JAKMIP3: variants seen among roughly 807,000 people sequenced by gnomAD.
The protein encoded by JAKMIP3 is Janus kinase and microtubule interacting protein 3, also known as janus kinase and microtubule-interacting protein 3.
JAKMIP3 carries 58 observed loss-of-function variants against 118.5 expected under a neutral mutation model. That is an observed-to-expected ratio of 0.49 (90% CI 0.40 to 0.61). The LOEUF (loss-of-function observed/expected upper bound fraction) is 0.61, where lower values mean the gene tolerates loss of function less well. JAKMIP3 is among the 20% of genes least tolerant of loss of function. The pLI is 0.00. For synonymous variants in JAKMIP3, 486 were observed against 451.2 expected (o/e 1.08, Z -0.98); for missense variants, 950 against 1,109.0 (o/e 0.86, Z 2.04).
At chr10:132,136,912 TGA>T (rs2051904282) in intron 6 of JAKMIP3, 105 bp from the exon 7 acceptor site, 2 of 1,286,108 alleles carry the variant, frequency 1.6e-6, no homozygotes, top group East Asian at 2.4e-5. Flanking sequence ...GCCGGGCAGC[TGA>T]GAGTGGCAGC....
intron 1 of JAKMIP3, among the ~76,000 whole-genome samples, chr10:132,099,454 T>C (rs1163779499): frequency 6.6e-6 from 1 of 152,158 alleles, no homozygotes; most frequent in Non-Finnish European, 1.5e-5. Context: ...GCACTGTTAA[T>C]TTAACGACTT....
intron 1 of JAKMIP3, among the ~76,000 whole-genome samples, chr10:132,050,132 G>C (rs539057301): frequency 8.3e-4 from 127 of 152,242 alleles, no homozygotes; most frequent in Non-Finnish European, 1.5e-3. Context: ...CTCCCCGGAA[G>C]TTCTGTGTTT....
At chr10:132,120,816 TA>T (rs1353486296) in intron 3 of JAKMIP3, among the ~76,000 whole-genome samples, 1 of 152,214 alleles carries the variant, frequency 6.6e-6, no homozygotes, top group Non-Finnish European at 1.5e-5. Context: ...CCCCGGCCTC[TA>T]AAATCCCGTG....
chr10:132,139,375 TGA>T (rs1444674758), intron 9 of JAKMIP3, among the ~76,000 whole-genome samples: 237 of 16,966 alleles, frequency 0.014, 5 homozygotes, highest in East Asian at 0.021. Context: ...TGTACGTGTG[TGA>T]GTATGTGAGT....
intron 1 of JAKMIP3, among the ~76,000 whole-genome samples, chr10:132,103,741 T>C (rs2045472429): frequency 6.6e-6 from 1 of 151,958 alleles, no homozygotes; most frequent in Admixed American, 6.5e-5. Flanking sequence ...TGTTAGAAGC[T>C]GGGCCATACA....
At chr10:132,134,783 TTA>T (rs112139472) in intron 4 of JAKMIP3, among the ~76,000 whole-genome samples, 60 of 152,332 alleles carry the variant, frequency 3.9e-4, no homozygotes, top group African/African-American at 1.3e-3. Flanking sequence ...TTATTTTACT[TTA>T]TGTTATTTTA....
In JAKMIP3 at chr10:132,167,030, A is replaced by C. The variant is rs369101480; in HGVS notation, c.2538A>C (p.Ser846=). The C allele has an allele frequency of 5.8e-6, 9 of 1,550,124 alleles. No homozygotes were observed. Among genetic ancestry groups the C allele is most frequent in the South Asian group, 1.2e-5 (1 of 84,020 alleles). ...LFFSLAFILW[S] The stretch of plus-strand genomic sequence containing the variant: ...TCTCCTTAGCTTTCATTCTCTGGTC[A>C]TAGTCCGTCTTGGCACCCTGACGTG... The change falls in exon 22 of 24, where the codon TCA becomes TCC. Residue 846 remains serine (S), a synonymous_variant. Transcript: ENST00000684848.
At chr10:132,130,272 A>C (rs1398206558) in intron 3 of JAKMIP3, among the ~76,000 whole-genome samples, 1 of 152,082 alleles carries the variant, frequency 6.6e-6, no homozygotes, top group African/African-American at 2.4e-5. Context: ...CACCCATTCT[A>C]AGCTCTTGGG....
chr10:132,091,154 TA>T (rs1354178463), intron 1 of JAKMIP3, among the ~76,000 whole-genome samples: 1 of 152,236 alleles, frequency 6.6e-6, no homozygotes, highest in Non-Finnish European at 1.5e-5. Flanking sequence ...CAGTTTGTTA[TA>T]ATTTCTGTTC....
rs151147267 is a variant in JAKMIP3, at chr10:132,043,813, G to A, written c.-138+7075G>A. Among the ~76,000 whole-genome samples, 110 of 152,286 alleles carry A rather than the reference G, an allele frequency of 7.2e-4. 3 individuals carry two copies. In the East Asian group the frequency reaches 0.012, roughly 17 times the overall value. On this transcript the variant is annotated intron_variant, in intron 1 of 23. Transcript: ENST00000657785. ...TGCCCCGCCCTGGGCTTCAGGCGTC[G>A]GTGTTAATGATCTCCTGGGTTGTTT... is the stretch of plus-strand genomic sequence containing the variant.
rs181469498 is a variant in JAKMIP3, at chr10:132,179,325, G to C, written c.*1104-3032G>C. ...GGGACTTTTGGGCTCCCCGGGCTCT[G>C]AGCTGGTTGGGGCTCCACCTGCACT... On this transcript the variant is annotated intron_variant, in intron 23 of 23. Transcript: ENST00000684848. This position sits in a 1 kb window ranked among gnomAD's most constrained non-coding sequence, Gnocchi z 4.3. Among the ~76,000 whole-genome samples, 364 of 152,276 alleles carry C rather than the reference G, an allele frequency of 2.4e-3. 1 individual carries two copies. Among genetic ancestry groups the C allele is most frequent in the African/African-American group, 8.4e-3 (349 of 41,550 alleles).
chr10:132,170,413 A>G lies in JAKMIP3; in HGVS notation c.*1103+1380A>G, dbSNP rs549915764. On this transcript the variant is annotated intron_variant, in intron 23 of 23. Coordinates refer to ENST00000684848, the MANE Select transcript of JAKMIP3 (RefSeq NM_001323087.2). ...GCCTCACTCCCACCCCCTGCGGGCCAGGCCTCACAGCAGGGGCAGGTGGAC... is the reference window on the plus strand; with the variant it reads ...GCCTCACTCCCACCCCCTGCGGGCCGGGCCTCACAGCAGGGGCAGGTGGAC... 2.0e-5 allele frequency among the ~76,000 whole-genome samples: 3 copies of G among 152,174 alleles called. No individual in the cohort carries two copies. The East Asian group carries it at 5.8e-4, about 29-fold the overall frequency.
At chr10:132,153,551 G>A (rs961442251) in intron 17 of JAKMIP3, among the ~76,000 whole-genome samples, 1 of 152,156 alleles carries the variant, frequency 6.6e-6, no homozygotes, top group Non-Finnish European at 1.5e-5. Flanking sequence ...AGGTGTCAGG[G>A]GTAGACTTCC....
rs1352395222 is a variant in JAKMIP3 at position 132,136,170 on chromosome 10, G to A, written c.1116+94G>A. On this transcript the variant is annotated intron_variant, in intron 6 of 23. Transcript: ENST00000684848. ...CCACGCAAGATTTAGCATGACAGCC[G>A]GTCCCGGGCGGGTGGCCAGGCCTTC... 3.6e-5 allele frequency: 50 copies of A among 1,370,884 alleles called. No individual in the cohort carries two copies. The South Asian group carries it at 4.1e-4, about 11-fold the overall frequency. 84.9% of individuals were successfully genotyped at this position (1,370,884 alleles called of 1,614,324 possible). A position where few individuals can be genotyped will look rare whatever the true frequency, so the allele number is the denominator to read the frequency against.
intron 19 of JAKMIP3, among the ~76,000 whole-genome samples, chr10:132,162,063 G>A (rs1183691661): frequency 2.1e-5 from 3 of 145,344 alleles, no homozygotes; most frequent in South Asian, 2.3e-4. Flanking sequence ...TCGGTCGCTC[G>A]GGTGCCCTCA....
intron 1 of JAKMIP3, among the ~76,000 whole-genome samples, chr10:132,104,175 T>C (rs1046682745): frequency 1.3e-5 from 2 of 152,110 alleles, no homozygotes; most frequent in African/African-American, 4.8e-5. Context: ...ATTGTGCTGC[T>C]GTGAGCTGGG....
In JAKMIP3 at chr10:132,168,061, C is replaced by T. The variant is rs568352601; in HGVS notation, c.*131C>T. 230 of 1,289,582 alleles carry T rather than the reference C, an allele frequency of 1.8e-4. 2 individuals carry two copies. In the South Asian group the frequency reaches 2.2e-3, roughly 12 times the overall value. 79.9% of individuals were successfully genotyped at this position (1,289,582 alleles called of 1,614,324 possible). On this transcript the variant is annotated 3_prime_UTR_variant, in exon 23 of 24. Transcript: ENST00000684848. ...CCAGGGAGATTTGGTCTCTGCACGC[C>T]CGTCCCGTGGAGGAAGAGTGAGAAG...
chr10:132,134,412 C>G (rs535659387), intron 4 of JAKMIP3, among the ~76,000 whole-genome samples: 1 of 152,334 alleles, frequency 6.6e-6, no homozygotes, highest in South Asian at 2.1e-4. Flanking sequence ...CCTGCTGGTG[C>G]GTGGTAGACT....
At chr10:132,121,902 G>T (rs1409903549) in intron 3 of JAKMIP3, among the ~76,000 whole-genome samples, 1 of 152,084 alleles carries the variant, frequency 6.6e-6, no homozygotes, top group East Asian at 1.9e-4. Flanking sequence ...GGAGGGGGAG[G>T]GTCTGAGGGA....
Sources: gnomAD v4.1 joint callset for allele counts (sites outside exome capture counted in the v4.1 genomes callset) on GRCh38, gnomAD v4.1.1 for gene constraint, Gnocchi (gnomAD v3.1) non-coding constraint, MANE v1.5 for transcripts, NCBI Gene and HGNC (gene_info 2026-07-23, HGNC 2026-07-21) for gene names.